Variants in COL23A1 observed in about 807,000 individuals in gnomAD.
The protein encoded by COL23A1 is collagen alpha-1(XXIII) chain.
Under a neutral mutation model 99.3 loss-of-function variants are expected in COL23A1, and 97 were observed. The ratio of observed to expected loss-of-function variants is 0.98; its 90% CI spans 0.83 to 1.16. COL23A1 has a LOEUF of 1.16. COL23A1 is among the 50% of genes most tolerant of loss of function. The pLI is 0.00. For synonymous variants in COL23A1, 320 were observed against 308.2 expected, an observed-to-expected ratio of 1.04 and a Z score of -0.40; for missense variants, 762 against 757.4, an observed-to-expected ratio of 1.01 and a Z score of -0.07.
intron 27 of COL23A1, among the ~76,000 whole-genome samples, chr5:178,241,351 G>C (rs566043193): frequency 2.4e-4 from 37 of 152,272 alleles, no homozygotes; most frequent in Non-Finnish European, 4.9e-4. Flanking sequence ...AGGGTGTGGG[G>C]GTAGGCAGAG....
intron 2 of COL23A1, among the ~76,000 whole-genome samples, chr5:178,486,481 G>A (rs761773376): frequency 6.6e-6 from 1 of 152,146 alleles, no homozygotes; most frequent in Non-Finnish European, 1.5e-5. Context: ...GACAAGACAC[G>A]GCCGTTAGCA....
Position 178,384,666 on chromosome 5 carries a change from C to T in COL23A1, c.362-77747G>A, listed in dbSNP as rs1763572878. On this transcript the variant is annotated intron_variant, in intron 2 of 28. Transcript: ENST00000390654. This position sits in a 1 kb window ranked among gnomAD's most constrained non-coding sequence, Gnocchi z 5.5. ...CAGGGCCGGGACTTGGACTCAGATG[C>T]GTCCAGTTTCAGAGCCAGAAGCCTC... 6.6e-6 allele frequency among the ~76,000 whole-genome samples: 1 copy of T among 152,176 alleles called. No homozygotes were observed. Among genetic ancestry groups the T allele is most frequent in the Non-Finnish European group, 1.5e-5 (1 of 68,024 alleles).
intron 2 of COL23A1, among the ~76,000 whole-genome samples, chr5:178,435,667 G>C (rs1318658431): frequency 1.3e-5 from 2 of 152,210 alleles, no homozygotes; most frequent in African/African-American, 2.4e-5. Context: ...GGAAAAGCGA[G>C]GGGGAGGGAG....
Position 178,562,924 on chromosome 5 carries a change from T to TCTAG in COL23A1, c.295-2180_295-2177dup, listed in dbSNP as rs559227775. ...CACTGATTGGTGCATTTTACAAACC[T>TCTAG]CTAGCTAGCTACAGAGCACTGATTG... is the stretch of plus-strand genomic sequence containing the variant. On this transcript the variant is annotated intron_variant, in intron 1 of 28. Transcript: ENST00000390654. 2.9e-4 allele frequency among the ~76,000 whole-genome samples: 44 copies of TCTAG among 152,290 alleles called. No individual in the cohort carries two copies. In the East Asian group the frequency reaches 7.9e-3, roughly 27 times the overall value.
chr5:178,319,703 C>T (rs145497502), intron 2 of COL23A1, among the ~76,000 whole-genome samples: 90 of 152,330 alleles, frequency 5.9e-4, no homozygotes, highest in African/African-American at 2.0e-3. Context: ...TGCAGCAGCC[C>T]GGCATGGCCC....
intron 2 of COL23A1, among the ~76,000 whole-genome samples, chr5:178,526,309 G>T (rs1210166292): frequency 6.6e-6 from 1 of 152,180 alleles, no homozygotes; most frequent in East Asian, 1.9e-4. Context: ...CCCTGACCTG[G>T]GGGGCCAAGC....
At chr5:178,457,059 C>T (rs1767837183) in intron 2 of COL23A1, among the ~76,000 whole-genome samples, 1 of 152,168 alleles carries the variant, frequency 6.6e-6, no homozygotes, top group South Asian at 2.1e-4. Flanking sequence ...CAGGCCCTTC[C>T]ATGCACACCT....
intron 2 of COL23A1, among the ~76,000 whole-genome samples, chr5:178,550,823 T>C (rs1338806975): frequency 6.6e-6 from 1 of 152,170 alleles, no homozygotes. Flanking sequence ...TTGGCCAAGC[T>C]GGGGTCAAGA....
chr5:178,383,295 C>T (rs907695964), intron 2 of COL23A1, among the ~76,000 whole-genome samples: 1 of 152,206 alleles, frequency 6.6e-6, no homozygotes, highest in African/African-American at 2.4e-5. Context: ...CAGCTTCCCG[C>T]AGAGATGGCC....
chr5:178,558,063 G>A (rs774903505), intron 2 of COL23A1, among the ~76,000 whole-genome samples: 5 of 151,278 alleles, frequency 3.3e-5, no homozygotes, highest in East Asian at 2.0e-4. Context: ...CCAGGGAGCC[G>A]GGGAGTCTAC....
At chr5:178,285,719 A>G (rs1757114021) in intron 5 of COL23A1, among the ~76,000 whole-genome samples, 1 of 152,158 alleles carries the variant, frequency 6.6e-6, no homozygotes, top group Non-Finnish European at 1.5e-5. Flanking sequence ...TCCTCTGCAC[A>G]TGAGGGGCCT....
chr5:178,246,681 C>T (rs965614785), intron 22 of COL23A1, among the ~76,000 whole-genome samples: 5 of 148,496 alleles, frequency 3.4e-5, no homozygotes, highest in African/African-American at 7.7e-5. Flanking sequence ...AAGGTGATTA[C>T]GGTCACACCC....
intron 2 of COL23A1, among the ~76,000 whole-genome samples, chr5:178,470,624 C>T (rs4976780): frequency 0.23 from 35,201 of 152,120 alleles, 4,617 homozygotes; most frequent in Non-Finnish European, 0.29. Context: ...GAAGCCAGCA[C>T]GTGGGTCAAA....
chr5:178,402,946 T>C (rs1764531030), intron 2 of COL23A1, among the ~76,000 whole-genome samples: 1 of 150,818 alleles, frequency 6.6e-6, no homozygotes, highest in Non-Finnish European at 1.5e-5. Flanking sequence ...GAAAATACTA[T>C]TTACTCAAAA....
chr5:178,256,209 G>A (rs1019090060), intron 15 of COL23A1, 144 bp downstream of exon 15: 8 of 530,428 alleles, frequency 1.5e-5, no homozygotes, highest in East Asian at 9.7e-5. Flanking sequence ...CAAAAATCAC[G>A]AATAAATGAG....
rs73344846 is a variant in COL23A1 at position 178,310,285 on chromosome 5, C to T, written c.362-3366G>A. Among the ~76,000 whole-genome samples, 4,084 of 152,220 alleles carry T rather than the reference C, an allele frequency of 0.027. 186 individuals carry two copies. The highest frequency in any genetic ancestry group is 0.093 in the African/African-American group (3,876 of 41,496). Reference sequence around the variant, plus strand: ...AGGAGCCGCAGGAGTGGGGGCAGGACGGACGGCCTCTCCTGAGTCTCTGGA... The same window carrying T: ...AGGAGCCGCAGGAGTGGGGGCAGGATGGACGGCCTCTCCTGAGTCTCTGGA... On this transcript the variant is annotated intron_variant, in intron 2 of 28. Transcript: ENST00000390654. This position sits in a 1 kb window ranked among gnomAD's most constrained non-coding sequence, Gnocchi z 4.3.
chr5:178,403,120 A>AAT (rs1764549608), intron 2 of COL23A1, among the ~76,000 whole-genome samples: 1 of 89,634 alleles, frequency 1.1e-5, no homozygotes, highest in African/African-American at 4.5e-5. Flanking sequence ...AAAAAAAAAA[A>AAT]AATAAATAAA....
At chr5:178,332,310 G>C (rs1051955636) in intron 2 of COL23A1, among the ~76,000 whole-genome samples, 1 of 152,108 alleles carries the variant, frequency 6.6e-6, no homozygotes, top group Non-Finnish European at 1.5e-5. Flanking sequence ...TGTGATTTAC[G>C]GTCCACCCAT....
At chr5:178,262,476 G>A (rs1278452760) in intron 9 of COL23A1, among the ~76,000 whole-genome samples, 1 of 152,216 alleles carries the variant, frequency 6.6e-6, no homozygotes, top group East Asian at 1.9e-4. Flanking sequence ...CAACTGAGCA[G>A]CTGTCCTGGG....
Sources: allele counts gnomAD v4.1 joint callset (sites outside exome capture counted in the v4.1 genomes callset), GRCh38; gene constraint gnomAD v4.1.1; non-coding constraint Gnocchi (gnomAD v3.1); transcripts MANE v1.5; gene names NCBI Gene and HGNC (gene_info 2026-07-23, HGNC 2026-07-21).